DOCK4: variants seen among roughly 807,000 people sequenced by gnomAD.
DOCK4 encodes the protein dedicator of cytokinesis 4.
Under a neutral mutation model 268.1 loss-of-function variants are expected in DOCK4, and 97 were observed. That is an observed-to-expected ratio of 0.36 (90% CI 0.31 to 0.43). The LOEUF is 0.43. Ranked by LOEUF, DOCK4 falls within the 20% of genes least tolerant of loss-of-function variation. DOCK4 has a pLI of 1.00. For synonymous variants in DOCK4, 954 were observed against 887.2 expected (o/e 1.08, Z -1.34); for missense variants, 2,145 against 2,455.7 (o/e 0.87, Z 2.67).
intron 1 of DOCK4, among the ~76,000 whole-genome samples, chr7:112,045,074 A>G (rs1804720730): frequency 6.6e-6 from 1 of 152,166 alleles, no homozygotes; most frequent in African/African-American, 2.4e-5. Flanking sequence ...TCCTCAGTCC[A>G]GCTACAGCTT....
At chr7:111,945,188 T>G (rs1795520638) in intron 9 of DOCK4, among the ~76,000 whole-genome samples, 1 of 152,204 alleles carries the variant, frequency 6.6e-6, no homozygotes, top group South Asian at 2.1e-4. Flanking sequence ...TTTTGTTTTT[T>G]GTTTTTTGTT....
intron 1 of DOCK4, among the ~76,000 whole-genome samples, chr7:112,078,155 C>T (rs1313530393): frequency 6.6e-6 from 1 of 152,048 alleles, no homozygotes; most frequent in East Asian, 1.9e-4. Context: ...TTAGAACTAT[C>T]AGGTGCATGA....
At chr7:111,896,172 C>T (rs1808731795) in intron 15 of DOCK4, among the ~76,000 whole-genome samples, 1 of 152,134 alleles carries the variant, frequency 6.6e-6, no homozygotes, top group Non-Finnish European at 1.5e-5. Context: ...CTAAGCTCTA[C>T]CCTGGTCCAT....
rs529673300 is a variant in DOCK4 at position 112,059,738 on chromosome 7, A to G, written c.38-55607T>C. Among the ~76,000 whole-genome samples, 15 of 152,226 alleles carry G rather than the reference A, an allele frequency of 9.9e-5. No homozygotes were observed. The South Asian group carries it at 2.5e-3, about 25-fold the overall frequency. On this transcript the variant is annotated intron_variant, in intron 1 of 52. Coordinates refer to ENST00000428084, the MANE Select transcript of DOCK4 (RefSeq NM_001363540.2). ...ACATGGACATGTCAAAAGAGGGGGG[A>G]AAAAGTCATGGAATGTGGAGACTGA...
chr7:112,179,176 C>T (rs1288453495), intron 1 of DOCK4, among the ~76,000 whole-genome samples: 1 of 152,098 alleles, frequency 6.6e-6, no homozygotes, highest in African/African-American at 2.4e-5. Flanking sequence ...CTCTTGAGAC[C>T]AGGAGCTCGG....
At chr7:112,031,510 T>C (rs1014709759) in intron 1 of DOCK4, among the ~76,000 whole-genome samples, 1 of 152,126 alleles carries the variant, frequency 6.6e-6, no homozygotes, top group Non-Finnish European at 1.5e-5. Context: ...TCCTACAAAC[T>C]TCTCAGAAAG....
intron 1 of DOCK4, among the ~76,000 whole-genome samples, chr7:112,116,517 A>T (rs1415651628): frequency 1.3e-5 from 2 of 152,212 alleles, no homozygotes; most frequent in African/African-American, 4.8e-5. Flanking sequence ...TTTCCGCCAC[A>T]AAGAACATGT....
intron 1 of DOCK4, among the ~76,000 whole-genome samples, chr7:112,142,090 T>C (rs10953702): frequency 0.26 from 40,235 of 152,126 alleles, 6,299 homozygotes; most frequent in East Asian, 0.43. Context: ...GTTCTATGTG[T>C]TCTACATGCA....
chr7:112,148,568 A>C (rs1391676053), intron 1 of DOCK4, among the ~76,000 whole-genome samples: 3 of 152,188 alleles, frequency 2.0e-5, no homozygotes, highest in Admixed American at 1.3e-4. Context: ...AGCATGTTTC[A>C]CAAGTACAAT....
chr7:112,095,189 T>C (rs1010549803), intron 1 of DOCK4, among the ~76,000 whole-genome samples: 3 of 152,158 alleles, frequency 2.0e-5, no homozygotes, highest in Non-Finnish European at 4.4e-5. Flanking sequence ...TTATTTTATA[T>C]GGATTATGAG....
At chr7:112,193,598 TAAA>T (rs564039337) in intron 1 of DOCK4, among the ~76,000 whole-genome samples, 2 of 132,174 alleles carry the variant, frequency 1.5e-5, no homozygotes. Context: ...GACCATGCCT[TAAA>T]AAAAAAAAAA....
At chr7:111,796,664 G>T (rs146538220) in intron 30 of DOCK4, among the ~76,000 whole-genome samples, 1 of 152,018 alleles carries the variant, frequency 6.6e-6, no homozygotes, top group African/African-American at 2.4e-5. Flanking sequence ...TTTTTTAAAG[G>T]TAAGTGCTTT....
intron 27 of DOCK4, among the ~76,000 whole-genome samples, chr7:111,817,766 C>A (rs1197513805): frequency 1.3e-5 from 2 of 152,150 alleles, no homozygotes; most frequent in Admixed American, 1.3e-4. Context: ...TGTAATATCC[C>A]ATATTCTAAA....
intron 4 of DOCK4, among the ~76,000 whole-genome samples, chr7:111,998,005 T>C (rs1800103941): frequency 6.6e-6 from 1 of 152,244 alleles, no homozygotes; most frequent in South Asian, 2.1e-4. Context: ...ATAATGGCTT[T>C]GTGAAGTGGT....
At chr7:111,931,900 A>G (rs1794232874) in intron 12 of DOCK4, among the ~76,000 whole-genome samples, 1 of 152,172 alleles carries the variant, frequency 6.6e-6, no homozygotes, top group African/African-American at 2.4e-5. Flanking sequence ...AACCTAGGAC[A>G]TCCTGCTTGC....
At chr7:111,990,110 G>A (rs559731435) in intron 5 of DOCK4, among the ~76,000 whole-genome samples, 1 of 152,060 alleles carries the variant, frequency 6.6e-6, no homozygotes, top group South Asian at 2.1e-4. Context: ...TACTTCTCAG[G>A]GTTGTTGTGA....
At chr7:112,019,554 T>C (rs557436971) in intron 1 of DOCK4, among the ~76,000 whole-genome samples, 16 of 152,228 alleles carry the variant, frequency 1.1e-4, no homozygotes, top group African/African-American at 3.9e-4. Context: ...TATTTCTCAA[T>C]CTAAGTAAAT....
chr7:111,906,344 T>C (rs951014088), intron 13 of DOCK4, among the ~76,000 whole-genome samples: 10 of 151,794 alleles, frequency 6.6e-5, no homozygotes, highest in Non-Finnish European at 1.5e-4. Context: ...AAGGAAGAGG[T>C]AGACAATAGA....
At position 111,732,938 on chromosome 7, in the gene DOCK4, CACT is replaced by C. The variant is rs1237371502; in HGVS notation, c.5420-654_5420-652del. The stretch of plus-strand genomic sequence containing the variant: ...GAAGAGTGAACTGTTTGCTTTTTCT[CACT>C]AGATTTTCAAGTCCTACACCTGGAA... On this transcript the variant is annotated intron_variant, in intron 51 of 52. Transcript: ENST00000428084. Among the ~76,000 whole-genome samples, 4 of 152,304 alleles carry C rather than the reference CACT, an allele frequency of 2.6e-5. No individual in the cohort carries two copies. In the East Asian group the frequency reaches 7.7e-4, roughly 29 times the overall value.
Sources: gnomAD v4.1 joint callset for allele counts (sites outside exome capture counted in the v4.1 genomes callset) on GRCh38, gnomAD v4.1.1 for gene constraint, MANE v1.5 for transcripts, NCBI Gene and HGNC (gene_info 2026-07-23, HGNC 2026-07-21) for gene names.